BMERB1: variants seen among roughly 807,000 people sequenced by gnomAD.
The protein encoded by BMERB1 is bMERB domain containing 1.
Under a neutral mutation model 23.6 loss-of-function variants are expected in BMERB1, and 12 were observed. That is an observed-to-expected ratio of 0.51 (90% CI 0.33 to 0.82). The LOEUF is 0.82. BMERB1 is among the 40% of genes least tolerant of loss of function. BMERB1 has a pLI of 0.03. For synonymous variants in BMERB1, 122 were observed against 96.6 expected (o/e 1.26, Z -1.54); for missense variants, 247 against 255.4 (o/e 0.97, Z 0.22).
At chr16:15,518,230 C>T (rs1244120182) in intron 2 of BMERB1, among the ~76,000 whole-genome samples, 1 of 152,142 alleles carries the variant, frequency 6.6e-6, no homozygotes, top group Non-Finnish European at 1.5e-5. Context: ...CAACAGTAGA[C>T]CCTAGGATAA....
chr16:15,578,672 G>T (rs2030932097), intron 3 of BMERB1, among the ~76,000 whole-genome samples: 1 of 152,120 alleles, frequency 6.6e-6, no homozygotes, highest in African/African-American at 2.4e-5. Context: ...ACAGTGCCTG[G>T]TGACGGCCTG....
Position 15,455,323 on chromosome 16 carries a change from C to CAA in BMERB1, c.106+20577_106+20578dup, listed in dbSNP as rs34467613. ...TGGGCAACAAATGGAGACTCTGTCT[C>CAA]AAAAAAAAAAAAAAGAAAAGAAAAG... is the stretch of plus-strand genomic sequence containing the variant. On this transcript the variant is annotated intron_variant, in intron 1 of 5. Transcript: ENST00000300006. Among the ~76,000 whole-genome samples, 658 of 122,672 alleles carry CAA rather than the reference C, an allele frequency of 5.4e-3. 1 individual carries two copies. The highest frequency in any genetic ancestry group is 8.0e-3 in the Non-Finnish European group (457 of 57,374). The allele number at this position is 122,672 out of a possible 152,430, so 80.5% of individuals were successfully genotyped here. A position where few individuals can be genotyped will look rare whatever the true frequency, so the allele number is the denominator to read the frequency against.
intron 2 of BMERB1, among the ~76,000 whole-genome samples, chr16:15,521,638 G>T (rs2051855003): frequency 6.6e-6 from 1 of 152,142 alleles, no homozygotes; most frequent in Non-Finnish European, 1.5e-5. Context: ...TCCAGTGTGT[G>T]TTCCCTTGCT....
intron 1 of BMERB1, among the ~76,000 whole-genome samples, chr16:15,446,688 A>T (rs2050992746): frequency 6.6e-6 from 1 of 152,192 alleles, no homozygotes; most frequent in South Asian, 2.1e-4. Flanking sequence ...GGATTAGTTG[A>T]AGCTGCCATT....
chr16:15,518,199 T>TTAGG (rs1230038979), intron 2 of BMERB1, among the ~76,000 whole-genome samples: 7 of 152,216 alleles, frequency 4.6e-5, no homozygotes, highest in Non-Finnish European at 1.0e-4. Context: ...CCCATGAATC[T>TTAGG]GACCACTTAG....
intron 2 of BMERB1, 39 bp downstream of exon 2, chr16:15,515,467 T>G: frequency 2.5e-6 from 4 of 1,599,850 alleles, no homozygotes; most frequent in Non-Finnish European, 2.6e-6. Context: ...AAGAAGTGTG[T>G]GGAGGAGAGA....
At chr16:15,561,785 T>G (rs2030429259) in intron 2 of BMERB1, among the ~76,000 whole-genome samples, 1 of 152,036 alleles carries the variant, frequency 6.6e-6, no homozygotes, top group Non-Finnish European at 1.5e-5. Flanking sequence ...CCTAGCTACT[T>G]GGAAGGCTGA....
intron 1 of BMERB1, among the ~76,000 whole-genome samples, chr16:15,476,062 C>A (rs543053877): frequency 6.6e-6 from 1 of 152,144 alleles, no homozygotes; most frequent in South Asian, 2.1e-4. Flanking sequence ...AACAAACACA[C>A]TTTTATTAAG....
rs57267276 is a variant in BMERB1 at position 15,468,162 on chromosome 16, T to TTTTTC, written c.106+33404_106+33405insTTTCT. 6.3e-3 allele frequency among the ~76,000 whole-genome samples: 406 copies of TTTTTC among 64,578 alleles called. 60 individuals carry two copies. The highest frequency in any genetic ancestry group is 9.6e-3 in the Non-Finnish European group (310 of 32,192). 42.4% of individuals were successfully genotyped at this position (64,578 alleles called of 152,430 possible). On this transcript the variant is annotated intron_variant, in intron 1 of 5. Transcript: ENST00000300006. Reference sequence around the variant, plus strand: ...TTTTTTTTTTTTTTTTTTTTTTTTTTTGAGGCAGGGTCTCAGTCTGTCACC... The same window carrying TTTTTC: ...TTTTTTTTTTTTTTTTTTTTTTTTTTTTTTCTGAGGCAGGGTCTCAGTCTGTCACC...
At chr16:15,443,519 C>T (rs530972722) in intron 1 of BMERB1, among the ~76,000 whole-genome samples, 119 of 152,140 alleles carry the variant, frequency 7.8e-4, no homozygotes, top group Non-Finnish European at 1.2e-3. Context: ...CCAGCCTGGG[C>T]GACAGTGAGG....
intron 1 of BMERB1, among the ~76,000 whole-genome samples, chr16:15,509,952 G>A (rs1245765303): frequency 1.3e-5 from 2 of 152,164 alleles, no homozygotes; most frequent in Non-Finnish European, 2.9e-5. Flanking sequence ...GACACACAGA[G>A]CCACCCGGAG....
At chr16:15,557,139 G>A (rs909558643) in intron 2 of BMERB1, among the ~76,000 whole-genome samples, 48 of 151,992 alleles carry the variant, frequency 3.2e-4, no homozygotes, top group African/African-American at 1.1e-3. Flanking sequence ...TCACCTCTCC[G>A]CACCCAACGC....
intron 1 of BMERB1, among the ~76,000 whole-genome samples, chr16:15,449,077 A>G (rs2051017278): frequency 6.6e-6 from 1 of 152,234 alleles, no homozygotes; most frequent in African/African-American, 2.4e-5. Flanking sequence ...CAAAAAAACG[A>G]TAAGGCCCCG....
chr16:15,452,044 G>A (rs2051046657), intron 1 of BMERB1, among the ~76,000 whole-genome samples: 1 of 152,050 alleles, frequency 6.6e-6, no homozygotes, highest in Non-Finnish European at 1.5e-5. Context: ...ACTTTGGGAG[G>A]CTGAGGCGGG....
chr16:15,484,138 G>A (rs2051348105), intron 1 of BMERB1, among the ~76,000 whole-genome samples: 1 of 152,140 alleles, frequency 6.6e-6, no homozygotes, highest in East Asian at 1.9e-4. Flanking sequence ...CTGCAAACAT[G>A]GCATGAAGCC....
At chr16:15,437,255 C>T (rs1238907294) in intron 1 of BMERB1, among the ~76,000 whole-genome samples, 1 of 152,194 alleles carries the variant, frequency 6.6e-6, no homozygotes. Context: ...GGAAGCTGTT[C>T]ACAAGAGTGC....
chr16:15,556,713 G>A (rs765397730), intron 2 of BMERB1, among the ~76,000 whole-genome samples: 2 of 152,160 alleles, frequency 1.3e-5, no homozygotes, highest in Non-Finnish European at 2.9e-5. Context: ...AGCCTCCTGA[G>A]TAGCTAGGAC....
At chr16:15,480,682 C>T (rs1389983626) in intron 1 of BMERB1, among the ~76,000 whole-genome samples, 2 of 138,020 alleles carry the variant, frequency 1.4e-5, no homozygotes, top group Middle Eastern at 4.7e-3. Context: ...GGCACGATCT[C>T]GGCTCACTGT....
At chr16:15,559,137 A>T (rs1371226679) in intron 2 of BMERB1, among the ~76,000 whole-genome samples, 3 of 152,164 alleles carry the variant, frequency 2.0e-5, no homozygotes, top group Non-Finnish European at 4.4e-5. Context: ...TATGTCACCT[A>T]TATGGCACTA....
Sources: allele counts gnomAD v4.1 joint callset (sites outside exome capture counted in the v4.1 genomes callset), GRCh38; gene constraint gnomAD v4.1.1; transcripts MANE v1.5; gene names NCBI Gene and HGNC (gene_info 2026-07-23, HGNC 2026-07-21).